CYTH3: variants seen among roughly 807,000 people sequenced by gnomAD.
CYTH3 encodes the protein cytohesin-3.
In CYTH3, 23 loss-of-function variants were observed where a neutral mutation model predicts 55.1. The observed-to-expected ratio is 0.42, with a 90% CI of 0.30 to 0.59. The LOEUF is 0.59. CYTH3 is among the 20% of genes least tolerant of loss of function. CYTH3 has a pLI of 0.20. For synonymous variants in CYTH3, 249 were observed against 194.9 expected (o/e 1.28, Z -2.31); for missense variants, 413 against 524.8 (o/e 0.79, Z 2.08).
chr7:6,270,446 C>T (rs1210221742), intron 1 of CYTH3, among the ~76,000 whole-genome samples: 1 of 152,152 alleles, frequency 6.6e-6, no homozygotes, highest in Non-Finnish European at 1.5e-5. Flanking sequence ...AAATGATACA[C>T]TTAAAACATT....
chr7:6,194,063 G>C (rs1057113387), intron 1 of CYTH3, among the ~76,000 whole-genome samples: 10 of 152,074 alleles, frequency 6.6e-5, no homozygotes, highest in African/African-American at 1.9e-4. Context: ...CAGTCAACAC[G>C]GCCTTCTGCT....
intron 1 of CYTH3, among the ~76,000 whole-genome samples, chr7:6,247,367 T>A (rs1321945529): frequency 1.3e-5 from 2 of 152,200 alleles, no homozygotes; most frequent in Non-Finnish European, 2.9e-5. Flanking sequence ...TTCTTGCTCT[T>A]CCCACTAATT....
At chr7:6,248,345 C>G (rs189226453) in intron 1 of CYTH3, among the ~76,000 whole-genome samples, 1 of 150,802 alleles carries the variant, frequency 6.6e-6, no homozygotes, top group African/African-American at 2.4e-5. Context: ...AGTTTATAGG[C>G]TGGAGGATGC....
intron 2 of CYTH3, 129 bp downstream of exon 2, chr7:6,190,320 T>G: frequency 1.2e-6 from 1 of 845,440 alleles, no homozygotes; most frequent in Non-Finnish European, 1.8e-6. Flanking sequence ...TAAACATCTT[T>G]TTTTTTTGTT....
At chr7:6,251,566 G>A (rs943362489) in intron 1 of CYTH3, among the ~76,000 whole-genome samples, 12 of 152,076 alleles carry the variant, frequency 7.9e-5, no homozygotes, top group East Asian at 1.9e-4. Context: ...AAAATTCTCC[G>A]CCCTTAAATT....
At chr7:6,259,916 C>T (rs1287234016) in intron 1 of CYTH3, among the ~76,000 whole-genome samples, 7 of 139,162 alleles carry the variant, frequency 5.0e-5, no homozygotes, top group Non-Finnish European at 1.1e-4. Flanking sequence ...CCACAACCTC[C>T]GCCTCCCAGG....
chr7:6,183,670 A>G (rs1156408613), intron 4 of CYTH3, among the ~76,000 whole-genome samples: 2 of 152,164 alleles, frequency 1.3e-5, no homozygotes, highest in Non-Finnish European at 2.9e-5. Context: ...GGAGGTAGAT[A>G]TAATTTTGAG....
At chr7:6,173,248 C>T (rs567550332) in intron 6 of CYTH3, among the ~76,000 whole-genome samples, 94 of 152,270 alleles carry the variant, frequency 6.2e-4, no homozygotes, top group African/African-American at 2.2e-3. Flanking sequence ...TGGCGAGACA[C>T]CTACATCCTC....
intron 1 of CYTH3, among the ~76,000 whole-genome samples, chr7:6,231,222 A>C (rs1319589553): frequency 1.3e-5 from 2 of 152,252 alleles, no homozygotes; most frequent in African/African-American, 4.8e-5. Context: ...GGAACGCAGC[A>C]CTTAACACTC....
At chr7:6,272,422 C>A in intron 1 of CYTH3, 52 bp downstream of exon 1, 1 of 1,083,038 alleles carries the variant, frequency 9.2e-7, no homozygotes, top group Non-Finnish European at 1.2e-6. Context: ...CCCCCAGCCC[C>A]CGGCCCCCGA....
intron 1 of CYTH3, among the ~76,000 whole-genome samples, chr7:6,199,354 G>A (rs1057042462): frequency 6.6e-6 from 1 of 152,148 alleles, no homozygotes; most frequent in African/African-American, 2.4e-5. Context: ...CTGAAATGAT[G>A]GGGGTAGAAA....
In CYTH3 at chr7:6,169,326, T is replaced by C. The variant is rs1290379504; in HGVS notation, c.823+1209A>G. On this transcript the variant is annotated intron_variant, in intron 9 of 12. Coordinates refer to ENST00000350796, the MANE Select transcript of CYTH3 (RefSeq NM_004227.4). This position sits in a 1 kb window ranked among gnomAD's most constrained non-coding sequence, Gnocchi z 4.1. ...GCCTCAACCTCCTGGGCTCAGGCCATCCTCCTGCCTCAGCCTCCCTAGTAG... is the reference window on the plus strand; with the variant it reads ...GCCTCAACCTCCTGGGCTCAGGCCACCCTCCTGCCTCAGCCTCCCTAGTAG... Among the ~76,000 whole-genome samples, 3 of 152,090 alleles carry C rather than the reference T, an allele frequency of 2.0e-5. No homozygotes were observed. Among genetic ancestry groups the C allele is most frequent in the African/African-American group, 4.8e-5 (2 of 41,406 alleles).
intron 1 of CYTH3, among the ~76,000 whole-genome samples, chr7:6,239,160 G>T (rs1729542686): frequency 6.6e-6 from 1 of 152,166 alleles, no homozygotes; most frequent in Non-Finnish European, 1.5e-5. Context: ...CTGCAGTGAG[G>T]CTATGATCGC....
At chr7:6,187,576 C>T in intron 3 of CYTH3, 81 bp downstream of exon 3, 2 of 1,269,694 alleles carry the variant, frequency 1.6e-6, no homozygotes, top group Non-Finnish European at 2.3e-6. Flanking sequence ...CACTCTCACC[C>T]CACTTTCTGC....
intron 5 of CYTH3, among the ~76,000 whole-genome samples, chr7:6,174,675 G>A (rs1307468375): frequency 1.3e-5 from 2 of 151,240 alleles, no homozygotes; most frequent in Admixed American, 6.6e-5. Flanking sequence ...AGCCTCCCGA[G>A]TAGCTGGGAC....
chr7:6,208,601 T>A (rs760939617), intron 1 of CYTH3, among the ~76,000 whole-genome samples: 29 of 152,210 alleles, frequency 1.9e-4, no homozygotes, highest in Non-Finnish European at 2.9e-4. Flanking sequence ...TGGGGGGCAA[T>A]GGCCCAATCA....
rs898414916 is a variant in CYTH3, at chr7:6,247,442, T to C, written c.34+25032A>G. The stretch of plus-strand genomic sequence containing the variant: ...AGCTCGTTTTTTTTCAGCTCAAAGA[T>C]ACTTTTTCCCATTGAATCTGATTAT... On this transcript the variant is annotated intron_variant, in intron 1 of 12. Coordinates refer to ENST00000350796, the MANE Select transcript of CYTH3 (RefSeq NM_004227.4). 3.3e-5 allele frequency among the ~76,000 whole-genome samples: 5 copies of C among 152,178 alleles called. No individual in the cohort carries two copies. In the East Asian group the frequency reaches 5.8e-4, roughly 18 times the overall value.
At chr7:6,213,348 A>G (rs1349580778) in intron 1 of CYTH3, among the ~76,000 whole-genome samples, 1 of 152,196 alleles carries the variant, frequency 6.6e-6, no homozygotes, top group Non-Finnish European at 1.5e-5. Flanking sequence ...CCGTTGTTGC[A>G]TGGTATAGAA....
At chr7:6,249,248 G>C (rs1779901157) in intron 1 of CYTH3, among the ~76,000 whole-genome samples, 1 of 152,118 alleles carries the variant, frequency 6.6e-6, no homozygotes, top group Admixed American at 6.5e-5. Context: ...GAAAAAGATA[G>C]GGCCCTTTAC....
Sources: allele counts gnomAD v4.1 joint callset (sites outside exome capture counted in the v4.1 genomes callset), GRCh38; gene constraint gnomAD v4.1.1; non-coding constraint Gnocchi (gnomAD v3.1); transcripts MANE v1.5; gene names NCBI Gene and HGNC (gene_info 2026-07-23, HGNC 2026-07-21).